Variants in MAPK1IP1L observed in about 807,000 individuals in gnomAD.
The protein encoded by MAPK1IP1L is mitogen-activated protein kinase 1 interacting protein 1 like.
In MAPK1IP1L, 10 loss-of-function variants were observed where a neutral mutation model predicts 18.1. The observed-to-expected ratio is 0.55, with a 90% CI of 0.34 to 0.94. MAPK1IP1L has a LOEUF of 0.94. Ranked by LOEUF, MAPK1IP1L falls within the 40% of genes least tolerant of loss-of-function variation. MAPK1IP1L has a pLI of 0.02. For synonymous variants in MAPK1IP1L, 115 were observed against 117.3 expected, an observed-to-expected ratio of 0.98 and a Z score of 0.13; for missense variants, 260 against 318.2, an observed-to-expected ratio of 0.82 and a Z score of 1.39.
At chr14:55,054,177 C>CTTTTTTTT (rs371063665) in intron 1 of MAPK1IP1L, among the ~76,000 whole-genome samples, 1 of 127,290 alleles carries the variant, frequency 7.9e-6, no homozygotes, top group Non-Finnish European at 1.7e-5. Context: ...TTTATATTTT[C>CTTTTTTTT]TTTTTTTTTT....
Position 55,062,975 on chromosome 14 carries a change from C to T in MAPK1IP1L, c.376C>T (p.Leu126=). 2.5e-6 allele frequency: 4 copies of T among 1,613,090 alleles called. No homozygotes were observed. The highest frequency in any genetic ancestry group is 3.4e-6 in the Non-Finnish European group (4 of 1,179,132). The change falls in exon 3 of 4, where the codon CTA becomes TTA. Residue 126 remains leucine, a synonymous_variant. Coordinates refer to ENST00000395468, the MANE Select transcript of MAPK1IP1L (RefSeq NM_144578.4). ...YPTPNMPFPE[L]PRPYGAPTDP... Reference sequence around the variant, plus strand: ...TACACCAAATATGCCCTTTCCAGAGCTACCCAGACCATATGGTGCACCCAC... The same window carrying T: ...TACACCAAATATGCCCTTTCCAGAGTTACCCAGACCATATGGTGCACCCAC...
At chr14:55,059,856 C>T (rs1190514522) in intron 1 of MAPK1IP1L, among the ~76,000 whole-genome samples, 1 of 152,076 alleles carries the variant, frequency 6.6e-6, no homozygotes, top group Admixed American at 6.5e-5. Flanking sequence ...TGGATAGATG[C>T]TAGTTATAAA....
At chr14:55,059,225 G>GAAAAAAAAAAAAAAAAAAAAAAAAATATA (rs3078612) in intron 1 of MAPK1IP1L, among the ~76,000 whole-genome samples, 9 of 63,268 alleles carry the variant, frequency 1.4e-4, no homozygotes, top group Non-Finnish European at 2.1e-4. Flanking sequence ...AGGAAAATCT[G>GAAAAAAAAAAAAAAAAAAAAAAAAATATA]AAAAAAAAAA....
rs1481141521 is a variant in MAPK1IP1L at position 55,066,372 on chromosome 14, A to G, written c.*1745A>G. 6.6e-6 allele frequency: 1 copy of G among 152,184 alleles called. No homozygotes were observed. The highest frequency in any genetic ancestry group is 1.5e-5 in the Non-Finnish European group (1 of 68,042). The allele number at this position is 152,184 out of a possible 1,614,324, so 9.4% of individuals were successfully genotyped here. A position where few individuals can be genotyped will look rare whatever the true frequency, so the allele number is the denominator to read the frequency against. ...AAAGTAGAAACTAATTTGTTAAGAT[A>G]TTTTCAGACTGCGGAATGTTGTTAG... is the stretch of plus-strand genomic sequence containing the variant. On this transcript the variant is annotated 3_prime_UTR_variant, in exon 4 of 4. Transcript: ENST00000395468.
Position 55,066,657 on chromosome 14 carries a change from C to T in MAPK1IP1L, c.*2030C>T, listed in dbSNP as rs1868402556. The T allele has an allele frequency of 6.6e-6, 1 of 152,040 alleles. No homozygotes were observed. The highest frequency in any genetic ancestry group is 6.6e-5 in the Admixed American group (1 of 15,254). The allele number at this position is 152,040 out of a possible 1,614,324, so 9.4% of individuals were successfully genotyped here. The stretch of plus-strand genomic sequence containing the variant: ...AGCAGTATTTAGTTTAACACTGGAG[C>T]AAATATAATTTGAGTAGGAAGAAGA... On this transcript the variant is annotated 3_prime_UTR_variant, in exon 4 of 4. Transcript: ENST00000395468.
At chr14:55,062,195 A>C (rs1002054) in intron 2 of MAPK1IP1L, among the ~76,000 whole-genome samples, 77,945 of 152,098 alleles carry the variant, frequency 0.51, 21,730 homozygotes, top group African/African-American at 0.74. Context: ...ACTACATGAA[A>C]TATCATATTT....
At chr14:55,056,972 AAG>A (rs2042777178) in intron 1 of MAPK1IP1L, among the ~76,000 whole-genome samples, 3 of 152,246 alleles carry the variant, frequency 2.0e-5, no homozygotes, top group African/African-American at 7.2e-5. Flanking sequence ...TGATAGGTCA[AAG>A]GAGAAAAAGC....
chr14:55,063,474 C>G (rs1194968086), intron 3 of MAPK1IP1L, 149 bp downstream of exon 3: 6 of 676,826 alleles, frequency 8.9e-6, no homozygotes, highest in Non-Finnish European at 1.4e-5. Context: ...TTCAAACCTT[C>G]AGGTAAAGCA....
intron 2 of MAPK1IP1L, among the ~76,000 whole-genome samples, 179 bp downstream of exon 2, chr14:55,061,880 G>T (rs1371359654): frequency 1.3e-5 from 2 of 152,250 alleles, no homozygotes; most frequent in Non-Finnish European, 1.5e-5. Context: ...TCAGGCTGCA[G>T]TGAGCCATGA....
At chr14:55,057,790 AATTTTAAAAATTAGC>A (rs2042783550) in intron 1 of MAPK1IP1L, among the ~76,000 whole-genome samples, 1 of 152,134 alleles carries the variant, frequency 6.6e-6, no homozygotes, top group African/African-American at 2.4e-5. Context: ...TTCTACTAAA[AATTTTAAAAATTAGC>A]ATGCCTATGG....
rs886146997 is a variant in MAPK1IP1L, at chr14:55,065,032, A to G, written c.*405A>G. 3 of 159,220 alleles carry G rather than the reference A, an allele frequency of 1.9e-5. No individual in the cohort carries two copies. The highest frequency in any genetic ancestry group is 6.4e-5 in the Admixed American group (1 of 15,518). 9.9% of individuals were successfully genotyped at this position (159,220 alleles called of 1,614,324 possible). ...ATAATCACTTTCCCCTTCTAAATAA[A>G]TAAACTTCGAGAATAACCCATCATA... On this transcript the variant is annotated 3_prime_UTR_variant, in exon 4 of 4. Transcript: ENST00000395468.
At chr14:55,059,225 G>GAAAAAAAAAAAAAAAAAAAAAAAAAAATA (rs3078612) in intron 1 of MAPK1IP1L, among the ~76,000 whole-genome samples, 1 of 63,274 alleles carries the variant, frequency 1.6e-5, no homozygotes, top group Admixed American at 2.0e-4. Flanking sequence ...AGGAAAATCT[G>GAAAAAAAAAAAAAAAAAAAAAAAAAAATA]AAAAAAAAAA....
chr14:55,060,436 A>G (rs1184148890), intron 1 of MAPK1IP1L: 3 of 152,170 alleles, frequency 2.0e-5, no homozygotes, highest in African/African-American at 7.2e-5. Context: ...CGGCCTCCCA[A>G]AGTGCTGGGA....
At position 55,061,717 on chromosome 14, in the gene MAPK1IP1L, T is replaced by G. The variant is rs781589135; in HGVS notation, c.18+16T>G. On this transcript the variant is annotated intron_variant, in intron 2 of 3. Transcript: ENST00000395468. Reference sequence around the variant, plus strand: ...TGAATTTTCGGTAAGTTGATCAGTTTATCTGTGATAAGTTTTTCATCTCTT... The same window carrying G: ...TGAATTTTCGGTAAGTTGATCAGTTGATCTGTGATAAGTTTTTCATCTCTT... The G allele has an allele frequency of 6.4e-7, 1 of 1,555,900 alleles. No homozygotes were observed. Among genetic ancestry groups the G allele is most frequent in the Non-Finnish European group, 8.7e-7 (1 of 1,144,170 alleles).
chr14:55,056,685 A>AT (rs1197121894), intron 1 of MAPK1IP1L, among the ~76,000 whole-genome samples: 2 of 151,986 alleles, frequency 1.3e-5, no homozygotes, highest in Admixed American at 6.6e-5. Context: ...AATTTTTTGT[A>AT]TTTTTAGTAG....
In MAPK1IP1L at chr14:55,067,355, A is replaced by C. The variant is rs2042871627; in HGVS notation, c.*2728A>C. 6.6e-6 allele frequency: 1 copy of C among 152,018 alleles called. No homozygotes were observed. The highest frequency in any genetic ancestry group is 2.1e-4 in the South Asian group (1 of 4,826). The allele number at this position is 152,018 out of a possible 1,614,324, so 9.4% of individuals were successfully genotyped here. A position where few individuals can be genotyped will look rare whatever the true frequency, so the allele number is the denominator to read the frequency against. On this transcript the variant is annotated 3_prime_UTR_variant, in exon 4 of 4. Transcript: ENST00000395468. Reference sequence around the variant, plus strand: ...AGGTTGGTTCGGTGTGGAGTTAAGAAAAGCAGGCGTTTTAGTGGAGAAATG... The same window carrying C: ...AGGTTGGTTCGGTGTGGAGTTAAGACAAGCAGGCGTTTTAGTGGAGAAATG...
At chr14:55,052,018 C>T (rs1387255877) in intron 1 of MAPK1IP1L, among the ~76,000 whole-genome samples, 1 of 152,084 alleles carries the variant, frequency 6.6e-6, no homozygotes, top group Non-Finnish European at 1.5e-5. Flanking sequence ...GGGATCGCCC[C>T]CCAGGGAGAA....
rs2042856570 is a variant in MAPK1IP1L at position 55,065,604 on chromosome 14, C to G, written c.*977C>G. On this transcript the variant is annotated 3_prime_UTR_variant, in exon 4 of 4. Coordinates refer to ENST00000395468, the MANE Select transcript of MAPK1IP1L (RefSeq NM_144578.4). ...GAAGGAGCACACACATCCCTTGATT[C>G]CTCCCTGATGTGGTAAACTGGCACA... 6.6e-6 allele frequency: 1 copy of G among 152,138 alleles called. No individual in the cohort carries two copies. The highest frequency in any genetic ancestry group is 1.5e-5 in the Non-Finnish European group (1 of 68,040). 9.4% of individuals were successfully genotyped at this position (152,138 alleles called of 1,614,324 possible).
At chr14:55,055,098 A>G (rs1028608370) in intron 1 of MAPK1IP1L, among the ~76,000 whole-genome samples, 1 of 152,276 alleles carries the variant, frequency 6.6e-6, no homozygotes, top group South Asian at 2.1e-4. Context: ...ATAATTAGCG[A>G]TGATTCAGAT....
Sources: gnomAD v4.1 joint callset for allele counts (sites outside exome capture counted in the v4.1 genomes callset) on GRCh38, gnomAD v4.1.1 for gene constraint, MANE v1.5 for transcripts, NCBI Gene and HGNC (gene_info 2026-07-23, HGNC 2026-07-21) for gene names.